The following ZFPM2 variants were observed in gnomAD, a reference collection of about 807,000 sequenced individuals.
ZFPM2 encodes zinc finger protein, FOG family member 2.
ZFPM2 carries 20 observed loss-of-function variants against 98.6 expected under a neutral mutation model. The observed-to-expected ratio is 0.20, with a 90% confidence interval of 0.14 to 0.29. The LOEUF is 0.29. Among genes scored for constraint, ZFPM2 ranks in the 10% least tolerant of loss-of-function variants. The probability of loss-of-function intolerance (pLI) is 1.00; values close to 1 mark genes in which losing one functional copy is unlikely to be tolerated. For synonymous variants in ZFPM2, 518 were observed against 502.7 expected, an observed-to-expected ratio of 1.03 and a Z score of -0.41; for missense variants, 1,310 against 1,388.6, an observed-to-expected ratio of 0.94 and a Z score of 0.90.
At chr8:105,496,077 A>AT (rs755224519) in intron 3 of ZFPM2, among the ~76,000 whole-genome samples, 1 of 152,170 alleles carries the variant, frequency 6.6e-6, no homozygotes, top group South Asian at 2.1e-4. Context: ...AGATTTCTGA[A>AT]TTTTTTCTCC....
chr8:105,442,503 A>G (rs1812275110), intron 2 of ZFPM2, among the ~76,000 whole-genome samples: 1 of 152,232 alleles, frequency 6.6e-6, no homozygotes, highest in Non-Finnish European at 1.5e-5. Flanking sequence ...CCTTAAACAT[A>G]GTAGATGCTC....
At chr8:105,570,728 C>T (rs143307115) in intron 4 of ZFPM2, among the ~76,000 whole-genome samples, 17 of 152,216 alleles carry the variant, frequency 1.1e-4, no homozygotes, top group African/African-American at 3.1e-4. Context: ...AGGTTCTTTA[C>T]ATTTGGACTT....
chr8:105,697,622 C>G (rs905289805), intron 5 of ZFPM2, among the ~76,000 whole-genome samples: 1 of 152,124 alleles, frequency 6.6e-6, no homozygotes, highest in Non-Finnish European at 1.5e-5. Flanking sequence ...TCTGGTATAA[C>G]TGTATTTCCT....
At chr8:105,335,099 A>C (rs960544494) in intron 1 of ZFPM2, among the ~76,000 whole-genome samples, 1 of 151,904 alleles carries the variant, frequency 6.6e-6, no homozygotes, top group Non-Finnish European at 1.5e-5. Flanking sequence ...TTTGTCAGAT[A>C]ATTTTGAAAG....
chr8:105,442,228 C>T (rs954281297), intron 2 of ZFPM2, among the ~76,000 whole-genome samples: 1 of 151,856 alleles, frequency 6.6e-6, no homozygotes, highest in Admixed American at 6.6e-5. Context: ...CCTGTAGTCC[C>T]AGCTACTTTG....
chr8:105,724,841 T>C (rs1183244816), intron 5 of ZFPM2, among the ~76,000 whole-genome samples: 1 of 151,772 alleles, frequency 6.6e-6, no homozygotes, highest in East Asian at 1.9e-4. Context: ...GGCACACCTA[T>C]TTCTTAATTT....
rs373833340 is a variant in ZFPM2 at position 105,386,863 on chromosome 8, C to G, written c.41-32281C>G. On this transcript the variant is annotated intron_variant, in intron 1 of 7. Coordinates refer to ENST00000407775, the MANE Select transcript of ZFPM2 (RefSeq NM_012082.4). ...GAAGGTGGAGGACAAAAGTTCTCCACGTACCCACTAGATTAGCTAGATACA... is the reference window on the plus strand; with the variant it reads ...GAAGGTGGAGGACAAAAGTTCTCCAGGTACCCACTAGATTAGCTAGATACA... 3.9e-5 allele frequency among the ~76,000 whole-genome samples: 6 copies of G among 152,142 alleles called. No individual in the cohort carries two copies. The East Asian group carries it at 5.8e-4, about 15-fold the overall frequency.
intron 4 of ZFPM2, among the ~76,000 whole-genome samples, chr8:105,615,858 A>T (rs1816403821): frequency 6.6e-6 from 1 of 152,124 alleles, no homozygotes; most frequent in Non-Finnish European, 1.5e-5. Flanking sequence ...GAATTTCCAG[A>T]TCATTTTAGA....
In ZFPM2 at chr8:105,721,411, A is replaced by G. The variant is rs533877384; in HGVS notation, c.533-67307A>G. 3.3e-5 allele frequency among the ~76,000 whole-genome samples: 5 copies of G among 152,122 alleles called. No homozygotes were observed. In the South Asian group the frequency reaches 1.0e-3, roughly 31 times the overall value. ...GAATGAATGAATTTCATCATGATTCATGTAGCCTTCCATATTTATAATTCC... is the reference window on the plus strand; with the variant it reads ...GAATGAATGAATTTCATCATGATTCGTGTAGCCTTCCATATTTATAATTCC... On this transcript the variant is annotated intron_variant, in intron 5 of 7. Coordinates refer to ENST00000407775, the MANE Select transcript of ZFPM2 (RefSeq NM_012082.4).
At chr8:105,639,628 AT>A (rs757298626) in intron 5 of ZFPM2, among the ~76,000 whole-genome samples, 28 of 152,162 alleles carry the variant, frequency 1.8e-4, no homozygotes, top group Non-Finnish European at 2.9e-4. Flanking sequence ...ACCATGCAGG[AT>A]TTTTGTGAAG....
chr8:105,580,423 G>A (rs1563728606), intron 4 of ZFPM2, among the ~76,000 whole-genome samples: 1 of 151,964 alleles, frequency 6.6e-6, no homozygotes, highest in African/African-American at 2.4e-5. Context: ...AAAAATACAA[G>A]GTACAAATGT....
intron 2 of ZFPM2, among the ~76,000 whole-genome samples, chr8:105,434,597 A>G (rs1812084563): frequency 6.6e-6 from 1 of 152,228 alleles, no homozygotes. Context: ...TGGAAAACAT[A>G]TGTGATATCT....
At chr8:105,745,817 C>T (rs748590438) in intron 5 of ZFPM2, among the ~76,000 whole-genome samples, 7 of 151,916 alleles carry the variant, frequency 4.6e-5, no homozygotes, top group Non-Finnish European at 5.9e-5. Flanking sequence ...TGGAGTGCAG[C>T]GGTGCAATCT....
At chr8:105,789,417 T>C (rs1328355806) in intron 6 of ZFPM2, among the ~76,000 whole-genome samples, 1 of 152,230 alleles carries the variant, frequency 6.6e-6, no homozygotes, top group African/African-American at 2.4e-5. Flanking sequence ...CATGAACTCA[T>C]CCTTTTTTAT....
chr8:105,411,547 T>C (rs1300681340), intron 1 of ZFPM2, among the ~76,000 whole-genome samples: 1 of 151,914 alleles, frequency 6.6e-6, no homozygotes, highest in African/African-American at 2.4e-5. Flanking sequence ...TAAGCTAATA[T>C]ATAATGCCTT....
chr8:105,379,007 C>A (rs1048423099), intron 1 of ZFPM2, among the ~76,000 whole-genome samples: 1 of 151,964 alleles, frequency 6.6e-6, no homozygotes, highest in South Asian at 2.1e-4. Flanking sequence ...TAGGTAGATA[C>A]GTAGGTAGAT....
chr8:105,638,459 ATTC>A (rs1268837771), intron 5 of ZFPM2, among the ~76,000 whole-genome samples: 1 of 152,132 alleles, frequency 6.6e-6, no homozygotes, highest in Non-Finnish European at 1.5e-5. Context: ...TGAAAATTAA[ATTC>A]CTGATGCCAC....
intron 1 of ZFPM2, among the ~76,000 whole-genome samples, chr8:105,343,682 A>G (rs547531728): frequency 2.8e-4 from 42 of 152,248 alleles, no homozygotes; most frequent in African/African-American, 9.1e-4. Flanking sequence ...GAAGCATGGA[A>G]GCGAAGGTTT....
intron 3 of ZFPM2, among the ~76,000 whole-genome samples, chr8:105,463,497 G>A (rs16873115): frequency 0.17 from 25,857 of 151,852 alleles, 2,858 homozygotes; most frequent in African/African-American, 0.32. Flanking sequence ...CAGTATTACA[G>A]TAATAGCAAT....
Sources: gnomAD v4.1 joint callset for allele counts (sites outside exome capture counted in the v4.1 genomes callset) on GRCh38, gnomAD v4.1.1 for gene constraint, MANE v1.5 for transcripts, NCBI Gene and HGNC (gene_info 2026-07-23, HGNC 2026-07-21) for gene names.